Variants in LRPPRC observed in about 807,000 individuals in gnomAD.
The protein encoded by LRPPRC is leucine-rich PPR motif-containing protein, mitochondrial.
A neutral mutation model predicts 180.3 loss-of-function variants in LRPPRC; 120 were observed. The observed-to-expected ratio is 0.67, with a 90% CI of 0.57 to 0.77. The LOEUF (loss-of-function observed/expected upper bound fraction) is 0.77, where lower values mean the gene tolerates loss of function less well. Ranked by LOEUF, LRPPRC falls within the 30% of genes least tolerant of loss-of-function variation. LRPPRC has a pLI of 0.00. For synonymous variants in LRPPRC, 723 were observed against 600.0 expected (o/e 1.21, Z -3.00); for missense variants, 2,012 against 1,657.2 (o/e 1.21, Z -3.72).
Position 43,888,761 on chromosome 2 carries a change from G to A in LRPPRC, c.4129-105C>T, listed in dbSNP as rs1670366799. The A allele has an allele frequency of 2.5e-5, 18 of 706,680 alleles. No homozygotes were observed. The Admixed American group carries it at 3.5e-4, about 14-fold the overall frequency. The allele number at this position is 706,680 out of a possible 1,614,324, so 43.8% of individuals were successfully genotyped here. A position where few individuals can be genotyped will look rare whatever the true frequency, so the allele number is the denominator to read the frequency against. On this transcript the variant is annotated intron_variant, in intron 37 of 37. Coordinates refer to ENST00000260665, the MANE Select transcript of LRPPRC (RefSeq NM_133259.4). ...TACCAACTGGTAGCTAAGACTGCCA[G>A]GCCCATGGAAGATGCTGCCCCTCAA...
At chr2:43,950,077 T>A (rs1443492080) in intron 15 of LRPPRC, among the ~76,000 whole-genome samples, 1 of 152,188 alleles carries the variant, frequency 6.6e-6, no homozygotes, top group Non-Finnish European at 1.5e-5. Flanking sequence ...TTTACTGAAA[T>A]ATAAAGTAAA....
At chr2:43,971,098 CAA>C (rs140508221) in intron 11 of LRPPRC, among the ~76,000 whole-genome samples, 48 of 126,090 alleles carry the variant, frequency 3.8e-4, no homozygotes, top group Admixed American at 5.7e-4. Context: ...GAAACTGTGT[CAA>C]AAAAAAAAAA....
At chr2:43,951,583 T>C (rs1159198708) in intron 14 of LRPPRC, among the ~76,000 whole-genome samples, 6 of 152,186 alleles carry the variant, frequency 3.9e-5, no homozygotes, top group African/African-American at 4.8e-5. Context: ...CTGAGATATA[T>C]ACTGAAGTAT....
chr2:43,977,231 T>C lies in LRPPRC; in HGVS notation c.515A>G (p.Tyr172Cys), dbSNP rs187584458. The change falls in exon 4 of 38, where the codon TAT becomes TGT. Residue 172 changes from tyrosine to cysteine, a missense_variant. Tyr to Cys is a radical substitution (Grantham distance 194). Transcript: ENST00000260665. ...VSHYNALLKV[Y>C]LQNEYKFSPT... ...TGAGAATTTATATTCATTTTGAAGA[T>C]AGACTTTAAGTAAAGCATTATAGTG... 31 of 1,601,638 alleles carry C rather than the reference T, an allele frequency of 1.9e-5. No homozygotes were observed. The highest frequency in any genetic ancestry group is 1.7e-4 in the Middle Eastern group (1 of 6,038).
intron 13 of LRPPRC, 61 bp downstream of exon 13, chr2:43,960,480 T>C (rs1673300642): frequency 4.4e-6 from 4 of 910,486 alleles, no homozygotes; most frequent in Middle Eastern, 2.1e-4. Context: ...CCACCCTGCA[T>C]GCCCTCAATA....
At chr2:43,958,760 G>C (rs1673222348) in intron 13 of LRPPRC, among the ~76,000 whole-genome samples, 1 of 152,130 alleles carries the variant, frequency 6.6e-6, no homozygotes, top group Non-Finnish European at 1.5e-5. Context: ...GACATTTCCT[G>C]TGATGTAGTA....
chr2:43,972,433 A>T (rs1170735773), intron 11 of LRPPRC, among the ~76,000 whole-genome samples: 1 of 152,226 alleles, frequency 6.6e-6, no homozygotes, highest in Non-Finnish European at 1.5e-5. Flanking sequence ...AAGCAGATTA[A>T]CCTGATGAAC....
Position 43,886,381 on chromosome 2 carries a change from T to C in LRPPRC, c.*2219A>G, listed in dbSNP as rs900578055. 6.6e-6 allele frequency: 1 copy of C among 152,198 alleles called. No individual in the cohort carries two copies. Among genetic ancestry groups the C allele is most frequent in the African/African-American group, 2.4e-5 (1 of 41,452 alleles). The allele number at this position is 152,198 out of a possible 1,614,324, so 9.4% of individuals were successfully genotyped here. On this transcript the variant is annotated 3_prime_UTR_variant, in exon 38 of 38. Coordinates refer to ENST00000260665, the MANE Select transcript of LRPPRC (RefSeq NM_133259.4). ...GCTTATAATTTGAGTGTAAATGTAT[T>C]ACAGAAAGCTGCTAAATTGTTTATA...
At chr2:43,960,824 C>T (rs1383045427) in intron 12 of LRPPRC, among the ~76,000 whole-genome samples, 190 bp from the exon 13 acceptor site, 1 of 152,188 alleles carries the variant, frequency 6.6e-6, no homozygotes, top group Non-Finnish European at 1.5e-5. Flanking sequence ...AAATGCTTAT[C>T]TTCAAATACA....
intron 14 of LRPPRC, among the ~76,000 whole-genome samples, chr2:43,956,478 CGTGTGTGTGTGTGT>C (rs56919652): frequency 3.5e-5 from 5 of 142,490 alleles, no homozygotes; most frequent in Non-Finnish European, 3.0e-5. Flanking sequence ...AAGAAAAAAA[CGTGTGTGTGTGTGT>C]GTGTGTGTGT....
intron 14 of LRPPRC, among the ~76,000 whole-genome samples, chr2:43,952,438 G>C (rs927283783): frequency 1.3e-5 from 2 of 152,158 alleles, no homozygotes; most frequent in Admixed American, 1.3e-4. Context: ...GCCCAAACCA[G>C]TGCAATCTGA....
At chr2:43,957,716 A>G (rs1673178377) in intron 13 of LRPPRC, among the ~76,000 whole-genome samples, 1 of 152,230 alleles carries the variant, frequency 6.6e-6, no homozygotes, top group Non-Finnish European at 1.5e-5. Context: ...AATGGCAATT[A>G]CTAACATACC....
intron 32 of LRPPRC, among the ~76,000 whole-genome samples, chr2:43,899,975 T>C (rs547818526): frequency 6.6e-6 from 1 of 152,326 alleles, no homozygotes; most frequent in Non-Finnish European, 1.5e-5. Flanking sequence ...TCTTTGGATA[T>C]AAAATGAAAA....
At chr2:43,944,744 C>A (rs1277125685) in intron 22 of LRPPRC, among the ~76,000 whole-genome samples, 1 of 151,866 alleles carries the variant, frequency 6.6e-6, no homozygotes, top group African/African-American at 2.4e-5. Context: ...AATGTATTAT[C>A]AAGTGTAATT....
At chr2:43,892,451 C>CG (rs1384918371) in intron 36 of LRPPRC, among the ~76,000 whole-genome samples, 13 of 152,118 alleles carry the variant, frequency 8.5e-5, no homozygotes, top group Admixed American at 7.9e-4. Flanking sequence ...TAGAGGACAG[C>CG]ATGGATGTTT....
At chr2:43,950,513 T>C (rs983102802) in intron 15 of LRPPRC, 60 bp downstream of exon 15, 22 of 1,379,588 alleles carry the variant, frequency 1.6e-5, no homozygotes, top group Non-Finnish European at 8.3e-6. Context: ...TTACATAACC[T>C]ATGGTATTGG....
intron 25 of LRPPRC, among the ~76,000 whole-genome samples, chr2:43,933,980 CAAATT>C (rs1332664484): frequency 2.0e-5 from 3 of 152,058 alleles, no homozygotes; most frequent in Non-Finnish European, 4.4e-5. Context: ...AGTGAGGAAA[CAAATT>C]TAATATACAA....
At chr2:43,987,745 C>G (rs1674592885) in intron 1 of LRPPRC, among the ~76,000 whole-genome samples, 1 of 152,142 alleles carries the variant, frequency 6.6e-6, no homozygotes, top group South Asian at 2.1e-4. Context: ...ACTGCCAGAT[C>G]AACCATCCTC....
intron 3 of LRPPRC, among the ~76,000 whole-genome samples, chr2:43,978,790 T>C (rs1274182570): frequency 6.6e-6 from 1 of 152,092 alleles, no homozygotes; most frequent in Non-Finnish European, 1.5e-5. Context: ...TTTTGAAGGA[T>C]AGTCCTAAAT....
Sources: allele counts gnomAD v4.1 joint callset (sites outside exome capture counted in the v4.1 genomes callset), GRCh38; gene constraint gnomAD v4.1.1; transcripts MANE v1.5; gene names NCBI Gene and HGNC (gene_info 2026-07-23, HGNC 2026-07-21).